The following INTS2 variants were observed in gnomAD, a reference collection of about 807,000 sequenced individuals.
The protein encoded by INTS2 is KIAA1287.
INTS2 carries 57 observed loss-of-function variants against 139.6 expected under a neutral mutation model. The observed-to-expected ratio is 0.41, with a 90% CI of 0.33 to 0.51. INTS2 has a LOEUF of 0.51. Ranked by LOEUF, INTS2 falls within the 20% of genes least tolerant of loss-of-function variation. INTS2 has a pLI of 0.28. For synonymous variants in INTS2, 473 were observed against 493.4 expected, an observed-to-expected ratio of 0.96 and a Z score of 0.55; for missense variants, 1,196 against 1,436.7, an observed-to-expected ratio of 0.83 and a Z score of 2.71.
At position 61,893,933 on chromosome 17, in the gene INTS2, G is replaced by A; in HGVS notation, c.1564-34C>T. ...GAAAAATAGCATTAGTAATATAATA[G>A]AACTAAATATAAAATTATTTTGAAA... On this transcript the variant is annotated intron_variant, in intron 12 of 24. Transcript: ENST00000251334. The surrounding 1 kb of genome is among the most constrained non-coding windows in gnomAD (Gnocchi z 5.4). The A allele has an allele frequency of 7.0e-7, 1 of 1,424,856 alleles. No homozygotes were observed. Among genetic ancestry groups the A allele is most frequent in the South Asian group, 1.5e-5 (1 of 68,758 alleles). 88.3% of individuals were successfully genotyped at this position (1,424,856 alleles called of 1,614,324 possible).
chr17:61,884,336 C>A (rs1261717093), intron 16 of INTS2, among the ~76,000 whole-genome samples: 3 of 152,016 alleles, frequency 2.0e-5, no homozygotes, highest in African/African-American at 7.2e-5. Flanking sequence ...ACTAAAAATA[C>A]ATAAATTAGA....
intron 3 of INTS2, among the ~76,000 whole-genome samples, chr17:61,923,288 T>TGGTC (rs2079668392): frequency 6.6e-6 from 1 of 150,590 alleles, no homozygotes; most frequent in African/African-American, 2.4e-5. Flanking sequence ...CCATCCTGGC[T>TGGTC]AACACGGTGA....
intron 5 of INTS2, among the ~76,000 whole-genome samples, chr17:61,918,960 T>C (rs1189281516): frequency 6.8e-6 from 1 of 146,180 alleles, no homozygotes; most frequent in Non-Finnish European, 1.5e-5. Context: ...AGTCTCGCCC[T>C]GTCGCCCAGG....
chr17:61,922,479 A>C (rs1044366161), intron 3 of INTS2, among the ~76,000 whole-genome samples: 1 of 143,346 alleles, frequency 7.0e-6, no homozygotes, highest in Non-Finnish European at 1.5e-5. Context: ...AAAAAAAAAA[A>C]AAAAAGAAAA....
At chr17:61,913,999 A>G (rs999348814) in intron 5 of INTS2, among the ~76,000 whole-genome samples, 1 of 152,066 alleles carries the variant, frequency 6.6e-6, no homozygotes, top group African/African-American at 2.4e-5. Flanking sequence ...TAGAAAACAA[A>G]TAACAAGAAG....
chr17:61,891,380 T>C (rs2079291912), intron 14 of INTS2, 133 bp downstream of exon 14: 2 of 707,120 alleles, frequency 2.8e-6, no homozygotes, highest in African/African-American at 3.6e-5. Flanking sequence ...TTAGAGGTGA[T>C]CTAAGGAAAT....
chr17:61,919,626 G>GT, intron 4 of INTS2, 113 bp from the exon 5 acceptor site: 1 of 621,722 alleles, frequency 1.6e-6, no homozygotes, highest in Middle Eastern at 2.9e-4. Context: ...GCCCAGGTGG[G>GT]TCTCAAACTT....
At chr17:61,881,763 T>C (rs530241751) in intron 16 of INTS2, among the ~76,000 whole-genome samples, 7 of 152,314 alleles carry the variant, frequency 4.6e-5, no homozygotes, top group Admixed American at 4.6e-4. Context: ...AAGAACTTCC[T>C]GACAGTCATT....
chr17:61,886,927 T>A (rs2079234697), intron 15 of INTS2, among the ~76,000 whole-genome samples: 1 of 152,202 alleles, frequency 6.6e-6, no homozygotes, highest in Admixed American at 6.5e-5. Flanking sequence ...CTCATTTAGA[T>A]ATAATCTCCC....
chr17:61,872,320 G>A lies in INTS2; in HGVS notation c.2723C>T (p.Thr908Ile). Residue 908 changes from threonine to isoleucine, a missense_variant, in exon 20 of 25, where the codon ACT becomes ATT. This residue lies in a region of INTS2 where 1,129 missense variants were observed against 1,341.9 expected (regional missense o/e 0.84). Transcript: ENST00000251334. This position sits in a 1 kb window ranked among gnomAD's most constrained non-coding sequence, Gnocchi z 4.8. ...QNNTIGLVGQ[T>I]DAPEVTREEL... ...TTCCCTGGTAACTTCCGGAGCATCA[G>A]TTTGTCCAACTAAACCAATTGTATT... 5 of 1,613,190 alleles carry A rather than the reference G, an allele frequency of 3.1e-6. No individual in the cohort carries two copies. Among genetic ancestry groups the A allele is most frequent in the Non-Finnish European group, 4.2e-6 (5 of 1,179,382 alleles).
At chr17:61,922,840 G>A (rs1567921499) in intron 3 of INTS2, among the ~76,000 whole-genome samples, 1 of 152,030 alleles carries the variant, frequency 6.6e-6, no homozygotes, top group Non-Finnish European at 1.5e-5. Context: ...AACTTTGGGA[G>A]GCCGAGGTGG....
At chr17:61,890,509 C>T (rs1231144635) in intron 14 of INTS2, among the ~76,000 whole-genome samples, 2 of 151,132 alleles carry the variant, frequency 1.3e-5, no homozygotes, top group South Asian at 2.1e-4. Flanking sequence ...ACTCGAGAGG[C>T]TGAGGCATGA....
chr17:61,887,351 T>C (rs1190272668), intron 15 of INTS2, among the ~76,000 whole-genome samples: 1 of 151,890 alleles, frequency 6.6e-6, no homozygotes, highest in African/African-American at 2.4e-5. Flanking sequence ...GGCGTGTTAG[T>C]GGGCACCTGT....
At chr17:61,880,595 T>TA (rs1379426083) in intron 17 of INTS2, among the ~76,000 whole-genome samples, 4 of 151,560 alleles carry the variant, frequency 2.6e-5, no homozygotes, top group Non-Finnish European at 5.9e-5. Context: ...CTACAAAAAC[T>TA]AAAAAAATCA....
chr17:61,898,926 G>A (rs1482675684), intron 9 of INTS2, among the ~76,000 whole-genome samples: 1 of 152,046 alleles, frequency 6.6e-6, no homozygotes, highest in Non-Finnish European at 1.5e-5. Context: ...AATTTTAATT[G>A]AAAAGTACAA....
At chr17:61,918,155 C>A (rs2079602067) in intron 5 of INTS2, among the ~76,000 whole-genome samples, 2 of 152,202 alleles carry the variant, frequency 1.3e-5, no homozygotes, top group African/African-American at 4.8e-5. Flanking sequence ...AGAGTTTTTA[C>A]ATATCATCTG....
rs771536490 is a variant in INTS2 at position 61,867,795 on chromosome 17, GA to G, written c.3421+37del. 5.8e-6 allele frequency: 9 copies of G among 1,560,238 alleles called. No individual in the cohort carries two copies. Among genetic ancestry groups the G allele is most frequent in the Non-Finnish European group, 7.8e-6 (9 of 1,155,382 alleles). On this transcript the variant is annotated intron_variant, in intron 24 of 24. Coordinates refer to ENST00000251334, the MANE Select transcript of INTS2 (RefSeq NM_001351695.2). This position sits in a 1 kb window ranked among gnomAD's most constrained non-coding sequence, Gnocchi z 5.6. ...AAAGGAATTTGGCCTTTTTGTTTGA[GA>G]TATTAAGATAACCCTTGAAAATAAG...
intron 14 of INTS2, 39 bp downstream of exon 14, chr17:61,891,474 A>C: frequency 6.8e-7 from 1 of 1,471,782 alleles, no homozygotes; most frequent in Non-Finnish European, 9.4e-7. Flanking sequence ...GAACTAAAAG[A>C]AAAATAAGTT....
chr17:61,927,886 G>A lies in INTS2; in HGVS notation c.-251C>T, dbSNP rs780444048. On this transcript the variant is annotated 5_prime_UTR_variant, in exon 1 of 25. Transcript: ENST00000251334. ...GGGCACCACACAAAGGCAGAACCGG[G>A]ACTGTAGGAACGGAAAAGCGGGAGA... 8.1e-6 allele frequency: 13 copies of A among 1,611,470 alleles called. No homozygotes were observed. The highest frequency in any genetic ancestry group is 1.1e-5 in the Non-Finnish European group (13 of 1,179,848).
Sources: allele counts gnomAD v4.1 joint callset (sites outside exome capture counted in the v4.1 genomes callset), GRCh38; gene constraint gnomAD v4.1.1; regional missense constraint gnomAD v4.1.1; non-coding constraint Gnocchi (gnomAD v3.1); transcripts MANE v1.5; gene names NCBI Gene and HGNC (gene_info 2026-07-23, HGNC 2026-07-21).